IGFL2: variants seen among roughly 807,000 people sequenced by gnomAD.
IGFL2 encodes IGF like family member 2, also known as insulin growth factor-like family member 2.
IGFL2 carries 7 observed loss-of-function variants against 13.9 expected under a neutral mutation model. The observed-to-expected ratio is 0.51, with a 90% CI of 0.29 to 0.95. The LOEUF (loss-of-function observed/expected upper bound fraction) is 0.95, where lower values mean the gene tolerates loss of function less well. IGFL2 is among the 40% of genes least tolerant of loss of function. IGFL2 has a pLI of 0.08. For synonymous variants in IGFL2, 55 were observed against 55.8 expected (o/e 0.99, Z 0.07); for missense variants, 138 against 147.8 (o/e 0.93, Z 0.34).
chr19:46,103,904 A>T, the IGFL2 span, among the ~76,000 whole-genome samples: 1 of 152,200 alleles, frequency 6.6e-6, no homozygotes, highest in African/African-American at 2.4e-5. Context: ...TGTCTGTCTG[A>T]CAGACAAAGC....
chr19:46,170,880 C>T, the IGFL2 span, among the ~76,000 whole-genome samples: 18 of 152,292 alleles, frequency 1.2e-4, no homozygotes, highest in South Asian at 1.0e-3. Context: ...AATGTGTGCA[C>T]GGCGGGACAT....
At chr19:46,153,667 A>G (rs1439516689) in intron 1 of IGFL2, among the ~76,000 whole-genome samples, 2 of 152,020 alleles carry the variant, frequency 1.3e-5, no homozygotes, top group Admixed American at 6.6e-5. Flanking sequence ...AATTGCTTAT[A>G]TAATTACACA....
the IGFL2 span, chr19:46,190,198 T>G: frequency 6.6e-6 from 1 of 152,242 alleles, no homozygotes; most frequent in African/African-American, 2.4e-5. Flanking sequence ...CCAGGCTCAG[T>G]TGACCTTGAT....
chr19:46,145,460 C>G (rs759185694), upstream of IGFL2, among the ~76,000 whole-genome samples: 36 of 152,170 alleles, frequency 2.4e-4, no homozygotes, highest in Non-Finnish European at 5.0e-4. Flanking sequence ...CGTGACTTAC[C>G]TACCAGTGAG....
chr19:46,117,624 A>G, the IGFL2 span, among the ~76,000 whole-genome samples: 2 of 152,070 alleles, frequency 1.3e-5, no homozygotes, highest in South Asian at 2.1e-4. Context: ...GACTACATGC[A>G]TGTGCCATCA....
At chr19:46,137,682 G>A in the IGFL2 span, 1 of 562,332 alleles carries the variant, frequency 1.8e-6, no homozygotes, top group Non-Finnish European at 3.2e-6. Flanking sequence ...GCCCAGCCTT[G>A]GTCCCCGGCT....
intron 2 of IGFL2, 54 bp from the exon 3 acceptor site, chr19:46,160,560 G>A: frequency 6.2e-7 from 1 of 1,613,178 alleles, no homozygotes; most frequent in Non-Finnish European, 8.5e-7. Flanking sequence ...ATTGGGGGAT[G>A]TAGTGCCTGG....
chr19:46,090,980 A>G, the IGFL2 span, among the ~76,000 whole-genome samples: 2,072 of 152,304 alleles, frequency 0.014, 32 homozygotes, highest in Middle Eastern at 0.027. Context: ...TCTCTGTGCT[A>G]TGCTGCCTGG....
At chr19:46,194,407 T>A in the IGFL2 span, among the ~76,000 whole-genome samples, 1 of 152,094 alleles carries the variant, frequency 6.6e-6, no homozygotes, top group Non-Finnish European at 1.5e-5. Context: ...GCACAAGCGC[T>A]TGGGTTTAGA....
chr19:46,165,742 CTG>C (rs1974371030), downstream of IGFL2, among the ~76,000 whole-genome samples: 1 of 152,230 alleles, frequency 6.6e-6, no homozygotes, highest in Non-Finnish European at 1.5e-5. Context: ...CAGCCATCCA[CTG>C]ATAGTATCTG....
At chr19:46,209,182 T>C in the IGFL2 span, 10,434 of 152,278 alleles carry the variant, frequency 0.069, 610 homozygotes, top group East Asian at 0.18. Flanking sequence ...AAGTGCATAG[T>C]GTGTGCTAAA....
chr19:46,092,154 T>C, the IGFL2 span, among the ~76,000 whole-genome samples: 1 of 152,098 alleles, frequency 6.6e-6, no homozygotes, highest in Non-Finnish European at 1.5e-5. Flanking sequence ...AATGCAATAC[T>C]AACTTTGTGT....
upstream of IGFL2, chr19:46,143,252 GTTC>G (rs910372641): frequency 1.3e-5 from 2 of 152,208 alleles, no homozygotes; most frequent in African/African-American, 4.8e-5. Context: ...TTAATAACGT[GTTC>G]TTTTCTCTAT....
At chr19:46,189,016 C>G in the IGFL2 span, 1,257 of 153,312 alleles carry the variant, frequency 8.2e-3, 17 homozygotes, top group African/African-American at 0.027. Flanking sequence ...AATAAAGACA[C>G]AAGACCAAGA....
chr19:46,213,944 A>C, the IGFL2 span: 1 of 152,928 alleles, frequency 6.5e-6, no homozygotes, highest in East Asian at 1.9e-4. Context: ...CTCCCAGCTC[A>C]GACCCCGCCC....
At chr19:46,119,389 C>T in the IGFL2 span, among the ~76,000 whole-genome samples, 14 of 152,148 alleles carry the variant, frequency 9.2e-5, no homozygotes, top group African/African-American at 2.4e-5. Context: ...GGTCTGAGAA[C>T]CTGCCCACAC....
chr19:46,128,355 C>A, the IGFL2 span, among the ~76,000 whole-genome samples: 1 of 152,072 alleles, frequency 6.6e-6, no homozygotes, highest in Admixed American at 6.6e-5. Flanking sequence ...TGCTTGATTG[C>A]TCTGGCCAGG....
downstream of IGFL2, among the ~76,000 whole-genome samples, chr19:46,161,566 T>C (rs1278359821): frequency 6.6e-6 from 1 of 152,212 alleles, no homozygotes; most frequent in Non-Finnish European, 1.5e-5. Flanking sequence ...TTGAACCCTT[T>C]ACCATTATGT....
chr19:46,139,752 A>G (rs569103946), upstream of IGFL2, among the ~76,000 whole-genome samples: 8 of 152,326 alleles, frequency 5.3e-5, no homozygotes, highest in South Asian at 2.1e-4. Context: ...CTTATGTAAT[A>G]AGGAGAACAA....
Sources: gnomAD v4.1 joint callset for allele counts (sites outside exome capture counted in the v4.1 genomes callset) on GRCh38, gnomAD v4.1.1 for gene constraint, MANE v1.5 for transcripts, NCBI Gene and HGNC (gene_info 2026-07-23, HGNC 2026-07-21) for gene names.